The following CUX1 variants were observed in gnomAD, a reference collection of about 807,000 sequenced individuals.
The protein encoded by CUX1 is cut like homeobox 1, also known as protein CASP.
In CUX1, 31 loss-of-function variants were observed where a neutral mutation model predicts 158.8. The observed-to-expected ratio is 0.20, with a 90% CI of 0.15 to 0.26. The LOEUF is 0.26. Ranked by LOEUF, CUX1 falls within the 10% of genes least tolerant of loss-of-function variation. CUX1 has a pLI of 1.00. For missense variants in CUX1, 1,589 were observed against 2,014.6 expected, an observed-to-expected ratio of 0.79 and a Z score of 4.04; for synonymous variants, 879 against 862.1, an observed-to-expected ratio of 1.02 and a Z score of -0.34.
At chr7:102,036,477 T>C (rs1563159812) in intron 3 of CUX1, among the ~76,000 whole-genome samples, 2 of 152,030 alleles carry the variant, frequency 1.3e-5, no homozygotes, top group African/African-American at 2.4e-5. Context: ...CGTTGGCTCT[T>C]ACCCGTAATC....
intron 20 of CUX1, among the ~76,000 whole-genome samples, chr7:102,216,634 C>CT (rs1554524784): frequency 1.7e-5 from 2 of 116,390 alleles, no homozygotes; most frequent in African/African-American, 6.7e-5. Flanking sequence ...CACACACCCC[C>CT]ACACACGCAC....
rs1789938609 is a variant in CUX1 at position 102,256,778 on chromosome 7, G to C, written c.*7736G>C. 1.0e-6 allele frequency: 1 copy of C among 985,468 alleles called. No homozygotes were observed. The highest frequency in any genetic ancestry group is 4.7e-5 in the South Asian group (1 of 21,286). 61.0% of individuals were successfully genotyped at this position (985,468 alleles called of 1,614,324 possible). A position where few individuals can be genotyped will look rare whatever the true frequency, so the allele number is the denominator to read the frequency against. ...AGTTTCGGCGAGCCGTGGTCAGAGA[G>C]GGCGCGGTGGCCTGGCCAAGACTTT... On this transcript the variant is annotated 3_prime_UTR_variant, in exon 24 of 24. Transcript: ENST00000292535.
At chr7:101,881,151 G>T (rs951957192) in intron 1 of CUX1, among the ~76,000 whole-genome samples, 1 of 152,224 alleles carries the variant, frequency 6.6e-6, no homozygotes, top group Non-Finnish European at 1.5e-5. Context: ...TATCTAAAAA[G>T]GAAGTGGAAA....
chr7:102,010,223 G>C (rs576722560), intron 2 of CUX1, among the ~76,000 whole-genome samples: 2 of 151,644 alleles, frequency 1.3e-5, no homozygotes, highest in African/African-American at 4.8e-5. Context: ...GTGAAACCCC[G>C]TCTCTACTAA....
At chr7:102,147,702 AATTTGCATATT>A (rs1467315445) in intron 8 of CUX1, among the ~76,000 whole-genome samples, 1 of 152,176 alleles carries the variant, frequency 6.6e-6, no homozygotes, top group Non-Finnish European at 1.5e-5. Flanking sequence ...AGGTGTCATT[AATTTGCATATT>A]TGGGCCGGTG....
At chr7:101,928,816 G>A (rs1268547313) in intron 2 of CUX1, among the ~76,000 whole-genome samples, 3 of 149,950 alleles carry the variant, frequency 2.0e-5, no homozygotes, top group Admixed American at 6.6e-5. Flanking sequence ...GACTACAGGC[G>A]CCCGCCACTA....
chr7:101,873,347 CATATG>C (rs1798793945), intron 1 of CUX1, among the ~76,000 whole-genome samples: 1 of 104,438 alleles, frequency 9.6e-6, no homozygotes, highest in African/African-American at 3.7e-5. Flanking sequence ...CCCCCCACCC[CATATG>C]TTTTATTTTA....
At position 102,233,719 on chromosome 7, in the gene CUX1, G is replaced by A. The variant is rs533464887; in HGVS notation, c.3434-333G>A. On this transcript the variant is annotated intron_variant, in intron 21 of 23. Transcript: ENST00000292535. Reference sequence around the variant, plus strand: ...GGAGAATTGCTTGAACCTGGGAGGCGGAGGTTGCAGTGAGCCAAGATTACA... The same window carrying A: ...GGAGAATTGCTTGAACCTGGGAGGCAGAGGTTGCAGTGAGCCAAGATTACA... Among the ~76,000 whole-genome samples, 109 of 152,238 alleles carry A rather than the reference G, an allele frequency of 7.2e-4. 1 individual carries two copies. The highest frequency in any genetic ancestry group is 1.9e-3 in the South Asian group (9 of 4,826).
chr7:101,834,523 A>C (rs1313776537), intron 1 of CUX1, among the ~76,000 whole-genome samples: 1 of 152,110 alleles, frequency 6.6e-6, no homozygotes, highest in Non-Finnish European at 1.5e-5. Context: ...TTGCATGCAC[A>C]GTGAGTTTTA....
intron 3 of CUX1, among the ~76,000 whole-genome samples, chr7:102,041,325 G>T (rs1016173911): frequency 7.3e-6 from 1 of 137,864 alleles, no homozygotes; most frequent in Non-Finnish European, 1.5e-5. Context: ...GAGTGCAGTG[G>T]CTCACCATAA....
intron 21 of CUX1, among the ~76,000 whole-genome samples, chr7:102,229,264 T>A (rs1554529775): frequency 6.6e-6 from 1 of 151,374 alleles, no homozygotes; most frequent in African/African-American, 2.4e-5. Context: ...TCACTGGTCA[T>A]CAGCTGCTGT....
At chr7:102,150,574 C>G (rs1835533940) in intron 8 of CUX1, among the ~76,000 whole-genome samples, 1 of 152,232 alleles carries the variant, frequency 6.6e-6, no homozygotes, top group Non-Finnish European at 1.5e-5. Flanking sequence ...TTTAACAGCT[C>G]CTGATGCCAG....
intron 3 of CUX1, among the ~76,000 whole-genome samples, chr7:102,055,493 C>T (rs1824029359): frequency 1.3e-5 from 2 of 152,148 alleles, no homozygotes; most frequent in Admixed American, 1.3e-4. Context: ...TGGTGATCTG[C>T]AGTCAGGGAG....
At chr7:101,817,412 C>T, upstream of CUX1, 2 of 984,574 alleles carry the variant, frequency 2.0e-6, no homozygotes, top group Non-Finnish European at 1.2e-6. This position sits in a 1 kb window ranked among gnomAD's most constrained non-coding sequence, Gnocchi z 4.1. Context: ...CCCGGGGGCC[C>T]GTTGGGACCG....
chr7:101,843,574 CT>C lies in CUX1; in HGVS notation c.30+25915del, dbSNP rs1000405322. On this transcript the variant is annotated intron_variant, in intron 1 of 23. Coordinates refer to ENST00000292535, the MANE Select transcript of CUX1 (RefSeq NM_181552.4). The stretch of plus-strand genomic sequence containing the variant: ...TGTGATTAGTTTTTCCTATCCATTT[CT>C]TTTTTTTTTCTTTTAGAATATAATT... 1.7e-4 allele frequency among the ~76,000 whole-genome samples: 26 copies of C among 148,738 alleles called. 1 individual carries two copies. The highest frequency in any genetic ancestry group is 8.0e-4 in the Admixed American group (12 of 14,916).
intron 2 of CUX1, among the ~76,000 whole-genome samples, chr7:102,024,617 G>A (rs1488382822): frequency 6.6e-6 from 1 of 152,074 alleles, no homozygotes; most frequent in Admixed American, 6.6e-5. Flanking sequence ...GTGAGCCAGC[G>A]TGCCCAGCCA....
Position 101,943,245 on chromosome 7 carries a change from T to A in CUX1, c.141+27020T>A, listed in dbSNP as rs574961834. Among the ~76,000 whole-genome samples, 274 of 152,092 alleles carry A rather than the reference T, an allele frequency of 1.8e-3. 1 individual carries two copies. Among genetic ancestry groups the A allele is most frequent in the African/African-American group, 6.4e-3 (266 of 41,494 alleles). Reference sequence around the variant, plus strand: ...CTTCAGCCTCCTGAGTAGCTGGGATTACAGGTGCCCGCCACCATGCCTGGC... The same window carrying A: ...CTTCAGCCTCCTGAGTAGCTGGGATAACAGGTGCCCGCCACCATGCCTGGC... On this transcript the variant is annotated intron_variant, in intron 2 of 23. Transcript: ENST00000292535.
intron 5 of CUX1, among the ~76,000 whole-genome samples, chr7:102,098,199 C>T (rs534258952): frequency 1.3e-5 from 2 of 152,312 alleles, no homozygotes; most frequent in East Asian, 3.9e-4. Context: ...TCAGCCAGCT[C>T]CAAAGAATAA....
intron 2 of CUX1, among the ~76,000 whole-genome samples, chr7:101,931,365 C>T (rs866031500): frequency 6.6e-5 from 10 of 152,260 alleles, no homozygotes; most frequent in Middle Eastern, 6.8e-3. Context: ...ACACAGCCGT[C>T]GTAGCTTATA....
Sources: allele counts gnomAD v4.1 joint callset (sites outside exome capture counted in the v4.1 genomes callset), GRCh38; gene constraint gnomAD v4.1.1; non-coding constraint Gnocchi (gnomAD v3.1); transcripts MANE v1.5; gene names NCBI Gene and HGNC (gene_info 2026-07-23, HGNC 2026-07-21).